PRKCE: variants seen among roughly 807,000 people sequenced by gnomAD.
PRKCE encodes the protein protein kinase C epsilon.
PRKCE carries 16 observed loss-of-function variants against 85.4 expected under a neutral mutation model. The ratio of observed to expected loss-of-function variants is 0.19; its 90% CI spans 0.13 to 0.28. The LOEUF is 0.28. PRKCE is among the 10% of genes least tolerant of loss of function. The probability of loss-of-function intolerance (pLI) is 1.00; values close to 1 mark genes in which losing one functional copy is unlikely to be tolerated. For synonymous variants in PRKCE, 388 were observed against 371.5 expected (o/e 1.04, Z -0.51); for missense variants, 573 against 975.2 (o/e 0.59, Z 5.49).
chr2:45,860,804 C>A lies in PRKCE; in HGVS notation c.412+17741C>A, dbSNP rs78393986. On this transcript the variant is annotated intron_variant, in intron 2 of 14. Coordinates refer to ENST00000306156, the MANE Select transcript of PRKCE (RefSeq NM_005400.3). ...GAACAGGCATCCCTTTGTAGATCTG[C>A]AGCACTCTCCTGGCACCCATCCAGT... 8.8e-3 allele frequency among the ~76,000 whole-genome samples: 1,331 copies of A among 152,112 alleles called. 20 individuals carry two copies. Among genetic ancestry groups the A allele is most frequent in the African/African-American group, 0.03 (1,258 of 41,496 alleles).
At chr2:45,798,068 G>A (rs1014068521) in intron 1 of PRKCE, among the ~76,000 whole-genome samples, 3 of 152,178 alleles carry the variant, frequency 2.0e-5, no homozygotes, top group South Asian at 2.1e-4. Flanking sequence ...GCTCCTTGGC[G>A]TGTCGGGTAG....
chr2:45,775,824 T>C (rs1685706454), intron 1 of PRKCE, among the ~76,000 whole-genome samples: 1 of 152,218 alleles, frequency 6.6e-6, no homozygotes, highest in African/African-American at 2.4e-5. Flanking sequence ...AGGCCACACA[T>C]GGTCTGTACC....
intron 2 of PRKCE, among the ~76,000 whole-genome samples, chr2:45,869,657 C>A (rs933803663): frequency 6.6e-6 from 1 of 151,656 alleles, no homozygotes; most frequent in Non-Finnish European, 1.5e-5. Flanking sequence ...TGTCTGGCCC[C>A]AAGGTCTGTT....
intron 11 of PRKCE, among the ~76,000 whole-genome samples, chr2:46,101,949 T>G (rs1671280130): frequency 6.6e-6 from 1 of 151,900 alleles, no homozygotes; most frequent in South Asian, 2.1e-4. Context: ...GGGGCCAGTT[T>G]CAGGCTATCC....
intron 2 of PRKCE, among the ~76,000 whole-genome samples, chr2:45,861,901 A>C (rs1693189599): frequency 6.6e-6 from 1 of 152,108 alleles, no homozygotes; most frequent in Non-Finnish European, 1.5e-5. Context: ...TTTGAAAATA[A>C]ATGGTTAAGT....
chr2:45,817,917 C>A (rs1470154360), intron 1 of PRKCE, among the ~76,000 whole-genome samples: 2 of 152,190 alleles, frequency 1.3e-5, no homozygotes, highest in East Asian at 3.9e-4. Context: ...TCTGGGCAAG[C>A]TACAGGCCGA....
At chr2:45,971,992 G>C (rs964782689) in intron 2 of PRKCE, among the ~76,000 whole-genome samples, 1 of 152,166 alleles carries the variant, frequency 6.6e-6, no homozygotes, top group Admixed American at 6.5e-5. Context: ...AAGTGAAATT[G>C]CTGAATCAAA....
intron 6 of PRKCE, among the ~76,000 whole-genome samples, chr2:46,000,516 G>C (rs571932040): frequency 6.6e-6 from 1 of 151,374 alleles, no homozygotes; most frequent in African/African-American, 2.4e-5. Context: ...AGAAGCCCTC[G>C]TTAAGAAGAG....
chr2:45,756,918 G>T (rs1211880378), intron 1 of PRKCE, among the ~76,000 whole-genome samples: 5 of 152,110 alleles, frequency 3.3e-5, no homozygotes, highest in African/African-American at 1.2e-4. Context: ...TTTCACAGGG[G>T]TATATGTGTG....
intron 2 of PRKCE, among the ~76,000 whole-genome samples, chr2:45,937,798 C>T (rs1558859033): frequency 6.6e-6 from 1 of 152,128 alleles, no homozygotes; most frequent in Non-Finnish European, 1.5e-5. Flanking sequence ...CTACTGTGTA[C>T]CTGGTACTTG....
chr2:46,112,705 A>C (rs987700225), intron 11 of PRKCE, among the ~76,000 whole-genome samples: 15 of 151,972 alleles, frequency 9.9e-5, no homozygotes, highest in Non-Finnish European at 2.1e-4. Flanking sequence ...TTTTTAGTAG[A>C]GACAGGGTTT....
chr2:46,070,378 G>A (rs115741732), intron 10 of PRKCE, among the ~76,000 whole-genome samples: 12,071 of 152,266 alleles, frequency 0.079, 634 homozygotes, highest in Middle Eastern at 0.17. Flanking sequence ...GCGCGGTGGC[G>A]CATGCCTGTA....
At chr2:46,034,695 G>A (rs956314955) in intron 10 of PRKCE, among the ~76,000 whole-genome samples, 3 of 152,172 alleles carry the variant, frequency 2.0e-5, no homozygotes, top group Admixed American at 6.5e-5. Context: ...AACCCAGGGC[G>A]GGGATCCTGT....
intron 1 of PRKCE, among the ~76,000 whole-genome samples, chr2:45,731,628 T>G (rs1036313395): frequency 3.4e-5 from 5 of 149,248 alleles, no homozygotes; most frequent in African/African-American, 1.2e-4. Context: ...TTTTTTTTTT[T>G]TTTTTTTTTT....
At chr2:45,792,433 A>G (rs1049223831) in intron 1 of PRKCE, among the ~76,000 whole-genome samples, 1 of 152,166 alleles carries the variant, frequency 6.6e-6, no homozygotes, top group Non-Finnish European at 1.5e-5. Context: ...TGCTCAGTAA[A>G]TGCTAAGCTA....
At chr2:46,011,878 A>G (rs767091764) in intron 10 of PRKCE, among the ~76,000 whole-genome samples, 69 of 152,332 alleles carry the variant, frequency 4.5e-4, no homozygotes, top group Middle Eastern at 6.8e-3. Context: ...AGAATAAGAA[A>G]TATCGTCTGA....
intron 3 of PRKCE, chr2:45,978,764 T>A: frequency 5.1e-5 from 26 of 510,214 alleles, no homozygotes; most frequent in Non-Finnish European, 6.7e-5. Flanking sequence ...TGACCAAACC[T>A]TGCACCTCCC....
chr2:46,184,655 A>G lies in PRKCE; in HGVS notation c.2068-80A>G, dbSNP rs550471727. 33 of 1,529,542 alleles carry G rather than the reference A, an allele frequency of 2.2e-5. No individual in the cohort carries two copies. The African/African-American group carries it at 4.3e-4, about 20-fold the overall frequency. The allele number at this position is 1,529,542 out of a possible 1,614,324, so 94.7% of individuals were successfully genotyped here. ...GGCCTGCTTTGGTGACAGGCTGGTC[A>G]GTGCGGTGCCCACTCCCCATGGGGG... On this transcript the variant is annotated intron_variant, in intron 14 of 14. Coordinates refer to ENST00000306156, the MANE Select transcript of PRKCE (RefSeq NM_005400.3). The surrounding 1 kb of genome is among the most constrained non-coding windows in gnomAD (Gnocchi z 5.0).
intron 2 of PRKCE, among the ~76,000 whole-genome samples, chr2:45,940,636 G>GCA (rs371881873): frequency 0.01 from 1,567 of 152,256 alleles, 32 homozygotes; most frequent in African/African-American, 0.035. Flanking sequence ...TTCACACAGC[G>GCA]CACACTCTTG....
Sources: allele counts gnomAD v4.1 joint callset (sites outside exome capture counted in the v4.1 genomes callset), GRCh38; gene constraint gnomAD v4.1.1; non-coding constraint Gnocchi (gnomAD v3.1); transcripts MANE v1.5; gene names NCBI Gene and HGNC (gene_info 2026-07-23, HGNC 2026-07-21).